Variants in TSHR observed in about 807,000 individuals in gnomAD.
TSHR encodes thyrotropin receptor.
Under a neutral mutation model 64.1 loss-of-function variants are expected in TSHR, and 51 were observed. The observed-to-expected ratio is 0.80, with a 90% confidence interval of 0.64 to 1.01. The LOEUF (loss-of-function observed/expected upper bound fraction) is 1.01, where lower values mean the gene tolerates loss of function less well. TSHR is among the 50% of genes least tolerant of loss of function. The probability of loss-of-function intolerance (pLI) is 0.00; values close to 1 mark genes in which losing one functional copy is unlikely to be tolerated. For missense variants in TSHR, 877 were observed against 942.8 expected (o/e 0.93, Z 0.91); for synonymous variants, 361 against 361.9 (o/e 1.00, Z 0.03).
intron 8 of TSHR, among the ~76,000 whole-genome samples, chr14:81,120,174 TATA>T (rs747494727): frequency 6.6e-5 from 10 of 151,174 alleles, no homozygotes; most frequent in Non-Finnish European, 1.3e-4. Flanking sequence ...AAACTTAAAG[TATA>T]ATAATAAAAA....
chr14:81,082,445 C>A (rs540143063), intron 3 of TSHR, among the ~76,000 whole-genome samples: 216 of 152,302 alleles, frequency 1.4e-3, no homozygotes, highest in African/African-American at 4.7e-3. Flanking sequence ...TAGCCCACCC[C>A]CTTTTGTGAA....
chr14:80,988,315 T>C (rs1402833906), intron 1 of TSHR, among the ~76,000 whole-genome samples: 2 of 152,148 alleles, frequency 1.3e-5, no homozygotes, highest in Non-Finnish European at 2.9e-5. Flanking sequence ...ACTTGGCTTC[T>C]GGGGAAGCCT....
At chr14:81,003,955 C>G (rs917985) in intron 1 of TSHR, among the ~76,000 whole-genome samples, 31,382 of 152,110 alleles carry the variant, frequency 0.21, 3,410 homozygotes, top group Admixed American at 0.27. Context: ...TTACTAAGGG[C>G]TTGTACTAAC....
At chr14:81,113,119 A>G (rs947949920) in intron 8 of TSHR, among the ~76,000 whole-genome samples, 7 of 152,326 alleles carry the variant, frequency 4.6e-5, no homozygotes, top group Admixed American at 4.6e-4. Context: ...CAAGTATGGA[A>G]GCAAGAAGAC....
intron 3 of TSHR, among the ~76,000 whole-genome samples, chr14:81,087,119 A>C (rs999899905): frequency 1.3e-5 from 2 of 152,246 alleles, no homozygotes; most frequent in Non-Finnish European, 2.9e-5. Context: ...GTCACATTCT[A>C]AGCTTTCTGA....
intron 8 of TSHR, among the ~76,000 whole-genome samples, chr14:81,128,709 A>G (rs1358375961): frequency 6.6e-6 from 1 of 152,092 alleles, no homozygotes; most frequent in African/African-American, 2.4e-5. Context: ...GGGGTTGGGC[A>G]CTAGTTGTTT....
chr14:81,139,925 T>C (rs539239352), intron 9 of TSHR, 58 bp downstream of exon 9: 3 of 1,600,368 alleles, frequency 1.9e-6, no homozygotes, highest in African/African-American at 2.7e-5. Context: ...TGGAATTCAT[T>C]TCTTGGTTTT....
At chr14:81,120,022 A>T (rs1049669538) in intron 8 of TSHR, among the ~76,000 whole-genome samples, 1 of 106,820 alleles carries the variant, frequency 9.4e-6, no homozygotes, top group Non-Finnish European at 1.9e-5. Flanking sequence ...CACTCTGGGG[A>T]CTGTTGTGGG....
chr14:80,977,379 G>A (rs1388992966), intron 1 of TSHR, among the ~76,000 whole-genome samples: 1 of 152,170 alleles, frequency 6.6e-6, no homozygotes, highest in African/African-American at 2.4e-5. Flanking sequence ...CTTTCCACTA[G>A]ACAAATTGCT....
At chr14:81,046,366 A>G (rs1885166788) in intron 1 of TSHR, among the ~76,000 whole-genome samples, 1 of 152,162 alleles carries the variant, frequency 6.6e-6, no homozygotes, top group Non-Finnish European at 1.5e-5. Flanking sequence ...ACCTGAAAGG[A>G]ACTTCTAAAG....
At chr14:81,045,143 A>G (rs1057050503) in intron 1 of TSHR, among the ~76,000 whole-genome samples, 4 of 152,332 alleles carry the variant, frequency 2.6e-5, no homozygotes, top group Non-Finnish European at 5.9e-5. Context: ...AAACTGATGC[A>G]GGAAGAGAAA....
intron 3 of TSHR, among the ~76,000 whole-genome samples, chr14:81,086,493 G>A (rs1423833482): frequency 6.6e-6 from 1 of 152,154 alleles, no homozygotes; most frequent in Non-Finnish European, 1.5e-5. Flanking sequence ...AGCTTTCATT[G>A]CACTTATGAA....
intron 1 of TSHR, among the ~76,000 whole-genome samples, chr14:80,981,828 T>C (rs910170228): frequency 1.3e-5 from 2 of 152,160 alleles, no homozygotes; most frequent in African/African-American, 2.4e-5. Flanking sequence ...AGAGGCTGCA[T>C]GTTTGGCAAG....
chr14:81,039,654 C>T (rs1282431297), intron 1 of TSHR, among the ~76,000 whole-genome samples: 1 of 151,720 alleles, frequency 6.6e-6, no homozygotes, highest in Non-Finnish European at 1.5e-5. Context: ...ATACAAAAAT[C>T]AGTAGCACTT....
chr14:80,990,226 C>T (rs888180838), intron 1 of TSHR, among the ~76,000 whole-genome samples: 1 of 152,248 alleles, frequency 6.6e-6, no homozygotes, highest in Non-Finnish European at 1.5e-5. Context: ...GCAGTGACTA[C>T]TGCTTCCCAG....
intron 1 of TSHR, among the ~76,000 whole-genome samples, chr14:81,002,304 A>G (rs1057506454): frequency 1.3e-5 from 2 of 152,188 alleles, no homozygotes; most frequent in Admixed American, 1.3e-4. Flanking sequence ...AGCTAAGTGT[A>G]AAAGAGTATA....
chr14:80,996,697 A>G (rs2268459), intron 1 of TSHR, among the ~76,000 whole-genome samples: 53,069 of 151,874 alleles, frequency 0.35, 9,977 homozygotes, highest in Non-Finnish European at 0.41. Context: ...TGGAATTCCT[A>G]TAGTAGTGGG....
chr14:80,992,851 C>T (rs1888810942), intron 1 of TSHR: 1 of 152,096 alleles, frequency 6.6e-6, no homozygotes, highest in South Asian at 2.1e-4. Flanking sequence ...GGAAAGAGAC[C>T]GATGAAGCTT....
chr14:81,067,953 A>ATATATATATATATATATATATC (rs566603342), intron 2 of TSHR, among the ~76,000 whole-genome samples: 4 of 141,406 alleles, frequency 2.8e-5, no homozygotes, highest in African/African-American at 1.1e-4. Flanking sequence ...ATATATATAT[A>ATATATATATATATATATATATC]TCGCTAAATA....
Sources: gnomAD v4.1 joint callset for allele counts (sites outside exome capture counted in the v4.1 genomes callset) on GRCh38, gnomAD v4.1.1 for gene constraint, MANE v1.5 for transcripts, NCBI Gene and HGNC (gene_info 2026-07-23, HGNC 2026-07-21) for gene names.